Variants in NRG3 observed in about 807,000 individuals in gnomAD.
NRG3 encodes neuregulin 3, also known as pro-neuregulin-3, membrane-bound isoform.
NRG3 carries 31 observed loss-of-function variants against 66.9 expected under a neutral mutation model. The ratio of observed to expected loss-of-function variants is 0.46; its 90% CI spans 0.35 to 0.63. The LOEUF (loss-of-function observed/expected upper bound fraction) is 0.63, where lower values mean the gene tolerates loss of function less well. Among genes scored for constraint, NRG3 ranks in the 20% least tolerant of loss-of-function variants. The pLI is 0.00. For missense variants in NRG3, 910 were observed against 878.9 expected (o/e 1.04, Z -0.45); for synonymous variants, 393 against 359.4 (o/e 1.09, Z -1.06).
chr10:82,510,532 A>T lies in NRG3; in HGVS notation c.953+151664A>T, dbSNP rs528706642. Among the ~76,000 whole-genome samples, 7 of 152,314 alleles carry T rather than the reference A, an allele frequency of 4.6e-5. No individual in the cohort carries two copies. The South Asian group carries it at 1.5e-3, about 32-fold the overall frequency. ...ATGGTACTTTTGGAGAGACTTTCCC[A>T]TAGGGATTATTTACCCAAGTATGGA... On this transcript the variant is annotated intron_variant, in intron 2 of 8. Transcript: ENST00000372141.
At chr10:82,143,176 C>T (rs2069950601) in intron 1 of NRG3, among the ~76,000 whole-genome samples, 1 of 152,010 alleles carries the variant, frequency 6.6e-6, no homozygotes, top group African/African-American at 2.4e-5. Context: ...CAGACTGATG[C>T]TGAAATGATG....
intron 1 of NRG3, among the ~76,000 whole-genome samples, chr10:81,975,594 CTG>C (rs2060095497): frequency 6.6e-6 from 1 of 152,094 alleles, no homozygotes; most frequent in Admixed American, 6.6e-5. Context: ...AAGATAAACA[CTG>C]TGTGCAACTA....
At chr10:82,832,643 G>C (rs113713688) in intron 3 of NRG3, among the ~76,000 whole-genome samples, 1 of 152,098 alleles carries the variant, frequency 6.6e-6, no homozygotes, top group East Asian at 1.9e-4. Context: ...AAAAGTGTGC[G>C]ATGAGAGGGT....
intron 2 of NRG3, among the ~76,000 whole-genome samples, chr10:82,520,811 T>G (rs1195890589): frequency 6.6e-6 from 1 of 152,220 alleles, no homozygotes; most frequent in Non-Finnish European, 1.5e-5. Flanking sequence ...ATTCTTTCCC[T>G]GTCCTTTCTG....
chr10:82,588,361 T>C (rs560979329), intron 2 of NRG3, among the ~76,000 whole-genome samples: 1 of 152,246 alleles, frequency 6.6e-6, no homozygotes, highest in African/African-American at 2.4e-5. Flanking sequence ...TCCTGCCTCC[T>C]TCTCTTGCCC....
chr10:81,876,183 C>CAG lies in NRG3; in HGVS notation c.823+21_823+22insGA. The CAG allele has an allele frequency of 1.3e-6, 2 of 1,554,110 alleles. No homozygotes were observed. The highest frequency in any genetic ancestry group is 1.7e-6 in the Non-Finnish European group (2 of 1,148,638). ...AATTTCGTAAGTAAACACTGTGTCT[C>CAG]AACTATGATTTACTACTGAGTTTCC... On this transcript the variant is annotated intron_variant, in intron 1 of 8. Transcript: ENST00000372141.
chr10:82,396,283 C>T (rs933955499), intron 2 of NRG3, among the ~76,000 whole-genome samples: 4 of 152,150 alleles, frequency 2.6e-5, no homozygotes, highest in African/African-American at 9.7e-5. Flanking sequence ...ATATCAATAA[C>T]TTTCCCTTTA....
chr10:82,220,193 T>C (rs566676820), intron 1 of NRG3, among the ~76,000 whole-genome samples: 16,812 of 151,564 alleles, frequency 0.11, 1,032 homozygotes, highest in Middle Eastern at 0.18. Flanking sequence ...TTACTGTGTG[T>C]GTGTGTGTGT....
chr10:82,164,014 G>C (rs866294859), intron 1 of NRG3, among the ~76,000 whole-genome samples: 12 of 150,790 alleles, frequency 8.0e-5, no homozygotes, highest in Non-Finnish European at 1.2e-4. Flanking sequence ...TCCACCTCCT[G>C]GGTTCAAGTG....
At chr10:82,813,891 GTGTA>G (rs2061599234) in intron 3 of NRG3, among the ~76,000 whole-genome samples, 2 of 150,810 alleles carry the variant, frequency 1.3e-5, no homozygotes, top group Admixed American at 1.4e-4. Flanking sequence ...CTTGGAACGT[GTGTA>G]CACACAGGTC....
At chr10:82,370,882 G>A (rs1398710505) in intron 2 of NRG3, among the ~76,000 whole-genome samples, 2 of 152,072 alleles carry the variant, frequency 1.3e-5, no homozygotes, top group South Asian at 2.1e-4. Context: ...TGCTCACAGC[G>A]ATTCTGGTGG....
chr10:82,281,727 A>G (rs1053869186), intron 1 of NRG3, among the ~76,000 whole-genome samples: 16 of 152,258 alleles, frequency 1.1e-4, no homozygotes, highest in African/African-American at 3.6e-4. Context: ...TATGAGAATC[A>G]AGGGAGGGCA....
At chr10:82,325,478 C>T (rs2081821269) in intron 1 of NRG3, among the ~76,000 whole-genome samples, 1 of 152,012 alleles carries the variant, frequency 6.6e-6, no homozygotes. Context: ...GTAATTACTC[C>T]AGCTTTCTTT....
chr10:82,017,079 C>T (rs2132695494), intron 1 of NRG3, among the ~76,000 whole-genome samples: 1 of 152,266 alleles, frequency 6.6e-6, no homozygotes, highest in Non-Finnish European at 1.5e-5. Context: ...TGCTATCCCT[C>T]TCCCCTCTCC....
At chr10:81,964,279 T>A (rs1315687413) in intron 1 of NRG3, among the ~76,000 whole-genome samples, 2 of 151,874 alleles carry the variant, frequency 1.3e-5, no homozygotes, top group East Asian at 1.9e-4. Context: ...CTTTATTCTT[T>A]TTTTAAAAAA....
At chr10:82,160,090 G>A (rs2071473738) in intron 1 of NRG3, among the ~76,000 whole-genome samples, 1 of 151,848 alleles carries the variant, frequency 6.6e-6, no homozygotes, top group African/African-American at 2.4e-5. Context: ...AAGAATTTAA[G>A]CTCTGTATTA....
At chr10:82,318,582 G>T (rs749950404) in intron 1 of NRG3, among the ~76,000 whole-genome samples, 1 of 152,060 alleles carries the variant, frequency 6.6e-6, no homozygotes, top group Non-Finnish European at 1.5e-5. Context: ...CTGTCTCGTG[G>T]CCCTCCTCAT....
chr10:82,779,307 A>G (rs1218492525), intron 3 of NRG3, among the ~76,000 whole-genome samples: 2 of 152,014 alleles, frequency 1.3e-5, no homozygotes, highest in Non-Finnish European at 2.9e-5. Context: ...TGGCAGAAAT[A>G]CTTCCTGTTT....
At chr10:82,757,350 T>C (rs2059122164) in intron 3 of NRG3, among the ~76,000 whole-genome samples, 1 of 152,010 alleles carries the variant, frequency 6.6e-6, no homozygotes, top group African/African-American at 2.4e-5. Flanking sequence ...AAAATAAATA[T>C]GGAAATTACT....
Sources: gnomAD v4.1 joint callset for allele counts (sites outside exome capture counted in the v4.1 genomes callset) on GRCh38, gnomAD v4.1.1 for gene constraint, MANE v1.5 for transcripts, NCBI Gene and HGNC (gene_info 2026-07-23, HGNC 2026-07-21) for gene names.